CLIP3: variants seen among roughly 807,000 people sequenced by gnomAD.
CLIP3 encodes CAP-Gly domain containing linker protein 3.
Under a neutral mutation model 59.4 loss-of-function variants are expected in CLIP3, and 15 were observed. That is an observed-to-expected ratio of 0.25 (90% CI 0.17 to 0.39). The LOEUF is 0.39. Ranked by LOEUF, CLIP3 falls within the 10% of genes least tolerant of loss-of-function variation. The probability of loss-of-function intolerance (pLI) is 1.00; values close to 1 mark genes in which losing one functional copy is unlikely to be tolerated. For missense variants in CLIP3, 495 were observed against 765.7 expected (o/e 0.65, Z 4.17); for synonymous variants, 300 against 321.6 (o/e 0.93, Z 0.72).
Position 36,026,508 on chromosome 19 carries a change from C to A in CLIP3, c.562+78G>T. The stretch of plus-strand genomic sequence containing the variant: ...CTCAGATCACCGTCCTCCTTCCCCT[C>A]GCAGCCTGGCCTCACCTGGGTCTCC... On this transcript the variant is annotated intron_variant, in intron 5 of 13. Coordinates refer to ENST00000360535, the MANE Select transcript of CLIP3 (RefSeq NM_015526.3). This position sits in a 1 kb window ranked among gnomAD's most constrained non-coding sequence, Gnocchi z 6.3. The A allele has an allele frequency of 6.3e-7, 1 of 1,577,964 alleles. No homozygotes were observed.
At position 36,017,655 on chromosome 19, in the gene CLIP3, C is replaced by T. The variant is rs751242225; in HGVS notation, c.1451G>A (p.Arg484Lys). The T allele has an allele frequency of 6.2e-7, 1 of 1,613,926 alleles. No individual in the cohort carries two copies. The highest frequency in any genetic ancestry group is 8.5e-7 in the Non-Finnish European group (1 of 1,179,924). Reference sequence around the variant, plus strand: ...GTTTGGGCTGGAAGTTTGGGCTCACCTCTGAATACGGGATGCTGGTGCGAA... The same window carrying T: ...GTTTGGGCTGGAAGTTTGGGCTCACTTCTGAATACGGGATGCTGGTGCGAA... ...GVFAPASRIQRIGGSTDSPGD... is the reference protein window; with the variant it reads ...GVFAPASRIQKIGGSTDSPGD... The change falls in exon 11 of 14, where the codon AGG (arginine) becomes AAG (lysine). Residue 484 changes from arginine (R) to lysine (K), a missense_variant and splice_region_variant. Physicochemically the swap from Arg to Lys is conservative, Grantham distance 26. This residue lies in a region of CLIP3 where 179 missense variants were observed against 226.2 expected (regional missense o/e 0.79). Transcript: ENST00000360535.
chr19:36,026,393 G>T lies in CLIP3; in HGVS notation c.563-128C>A. On this transcript the variant is annotated intron_variant, in intron 5 of 13. Coordinates refer to ENST00000360535, the MANE Select transcript of CLIP3 (RefSeq NM_015526.3). This position sits in a 1 kb window ranked among gnomAD's most constrained non-coding sequence, Gnocchi z 6.3. ...CGACGCAGAGCCCCGCCCCCACCTC[G>T]GAGCCCCCCTCTCCCTTGGCAGCCC... 1 of 950,168 alleles carries T rather than the reference G, an allele frequency of 1.1e-6. No homozygotes were observed. 58.9% of individuals were successfully genotyped at this position (950,168 alleles called of 1,614,324 possible). A position where few individuals can be genotyped will look rare whatever the true frequency, so the allele number is the denominator to read the frequency against.
At chr19:36,022,054 A>AT (rs979893942) in intron 7 of CLIP3, among the ~76,000 whole-genome samples, 5 of 151,198 alleles carry the variant, frequency 3.3e-5, no homozygotes, top group East Asian at 1.9e-4. Context: ...AATTTTTTGT[A>AT]TTTTTTTTGT....
chr19:36,032,780 G>T lies in CLIP3; in HGVS notation c.-115C>A. ...AGACTGGGGAGACTGTGGGAGCAAT[G>T]GGGTGTCGGTGTCAGGGGACGTGAT... is the stretch of plus-strand genomic sequence containing the variant. On this transcript the variant is annotated 5_prime_UTR_variant, in exon 1 of 14. Transcript: ENST00000360535. This position sits in a 1 kb window ranked among gnomAD's most constrained non-coding sequence, Gnocchi z 4.3. 1 of 155,038 alleles carries T rather than the reference G, an allele frequency of 6.5e-6. No individual in the cohort carries two copies. 9.6% of individuals were successfully genotyped at this position (155,038 alleles called of 1,614,324 possible).
rs994381921 is a variant in CLIP3, at chr19:36,032,340, A to G, written c.18T>C (p.Pro6=). 1 of 1,267,506 alleles carries G rather than the reference A, an allele frequency of 7.9e-7. No individual in the cohort carries two copies. The highest frequency in any genetic ancestry group is 4.1e-5 in the Admixed American group (1 of 24,224). The allele number at this position is 1,267,506 out of a possible 1,614,324, so 78.5% of individuals were successfully genotyped here. A position where few individuals can be genotyped will look rare whatever the true frequency, so the allele number is the denominator to read the frequency against. ...CTCGGGGTGGCGGGGCCATCGGGGCAGGATCTGTCTTAGTCATGGTCCTCG... is the reference window on the plus strand; with the variant it reads ...CTCGGGGTGGCGGGGCCATCGGGGCGGGATCTGTCTTAGTCATGGTCCTCG... MTKTD[P]APMAPPPRGE... Residue 6 remains proline (P), a synonymous_variant, in exon 2 of 14, where the codon CCT becomes CCC. Transcript: ENST00000360535. The surrounding 1 kb of genome is among the most constrained non-coding windows in gnomAD (Gnocchi z 4.3).
intron 8 of CLIP3, 64 bp downstream of exon 8, chr19:36,019,107 G>A: frequency 6.2e-7 from 1 of 1,605,302 alleles, no homozygotes; most frequent in Non-Finnish European, 8.5e-7. Context: ...TTCCCAGTCA[G>A]CAGCATCAGA....
At chr19:36,031,946 A>G (rs1292322648) in intron 2 of CLIP3, among the ~76,000 whole-genome samples, 2 of 152,190 alleles carry the variant, frequency 1.3e-5, no homozygotes. Context: ...GCCGCTTTCA[A>G]AAAATGATTG....
At chr19:36,018,068 C>T (rs1968849873) in intron 9 of CLIP3, 77 bp from the exon 10 acceptor site, 1 of 1,537,824 alleles carries the variant, frequency 6.5e-7, no homozygotes, top group African/African-American at 1.4e-5. Flanking sequence ...TGGAAAACCC[C>T]AAGGTAGAAA....
Position 36,015,863 on chromosome 19 carries a change from T to C in CLIP3, c.*295A>G. ...CATTATGTGGAGAGGGTCACCATCATTTGGGGTGATATGGAAATCTGTTAA... is the reference window on the plus strand; with the variant it reads ...CATTATGTGGAGAGGGTCACCATCACTTGGGGTGATATGGAAATCTGTTAA... On this transcript the variant is annotated 3_prime_UTR_variant, in exon 14 of 14. Coordinates refer to ENST00000360535, the MANE Select transcript of CLIP3 (RefSeq NM_015526.3). The C allele has an allele frequency of 2.1e-6, 1 of 487,242 alleles. No individual in the cohort carries two copies. The highest frequency in any genetic ancestry group is 3.8e-6 in the Non-Finnish European group (1 of 265,646). The allele number at this position is 487,242 out of a possible 1,614,324, so 30.2% of individuals were successfully genotyped here.
rs1221680835 is a variant in CLIP3 at position 36,026,907 on chromosome 19, G to A, written c.400+45C>T. 5.9e-6 allele frequency: 9 copies of A among 1,525,128 alleles called. No homozygotes were observed. The highest frequency in any genetic ancestry group is 7.9e-6 in the Non-Finnish European group (9 of 1,140,124). The allele number at this position is 1,525,128 out of a possible 1,614,324, so 94.5% of individuals were successfully genotyped here. ...TGGTTTTCAGCGTGTTGGGTCTGGG[G>A]GCCTAGGCTTTGGGGCTTATGACTT... On this transcript the variant is annotated intron_variant, in intron 4 of 13. Coordinates refer to ENST00000360535, the MANE Select transcript of CLIP3 (RefSeq NM_015526.3). The surrounding 1 kb of genome is among the most constrained non-coding windows in gnomAD (Gnocchi z 6.3).
In CLIP3 at chr19:36,027,189, G is replaced by A; in HGVS notation, c.249C>T (p.Ala83=). 4.3e-6 allele frequency: 7 copies of A among 1,613,948 alleles called. No individual in the cohort carries two copies. Among genetic ancestry groups the A allele is most frequent in the Non-Finnish European group, 5.1e-6 (6 of 1,179,932 alleles). Residue 83 remains alanine (A), a synonymous_variant, in exon 3 of 14, where the codon GCC becomes GCT. Coordinates refer to ENST00000360535, the MANE Select transcript of CLIP3 (RefSeq NM_015526.3). The part of the protein sequence containing the change: ...DPQTTIPELF[A]IVRQWVPQVQ... ...CTTGGGGCACCCACTGGCGCACAAT[G>A]GCAAACAGCTCGGGGATGGTGGTCT...
rs200428053 is a variant in CLIP3 at position 36,017,694 on chromosome 19, G to C, written c.1412C>G (p.Pro471Arg). Reference protein sequence around the residue: ...VFGVRYFTCPPRHGVFAPASR... With the variant: ...VFGVRYFTCPRRHGVFAPASR... ...TGCTGGTGCGAAGACCCCATGCCTCGGGGGGCAAGTGAAGTACCGGACACC... is the reference window on the plus strand; with the variant it reads ...TGCTGGTGCGAAGACCCCATGCCTCCGGGGGCAAGTGAAGTACCGGACACC... The change falls in exon 11 of 14, where the codon CCG (proline) becomes CGG (arginine). Residue 471 changes from proline (P) to arginine (R), a missense_variant. By Grantham distance (103) the Pro-to-Arg change is moderately radical (BLOSUM62 -2). Around this residue, in one of 5 missense-constraint regions of CLIP3, gnomAD observed 179 missense variants for 226.2 expected, o/e 0.79. Coordinates refer to ENST00000360535, the MANE Select transcript of CLIP3 (RefSeq NM_015526.3). 3 of 1,613,918 alleles carry C rather than the reference G, an allele frequency of 1.9e-6. No homozygotes were observed. Among genetic ancestry groups the C allele is most frequent in the Non-Finnish European group, 2.5e-6 (3 of 1,179,878 alleles).
intron 2 of CLIP3, among the ~76,000 whole-genome samples, chr19:36,030,152 C>T (rs2145411352): frequency 6.6e-6 from 1 of 152,218 alleles, no homozygotes; most frequent in Non-Finnish European, 1.5e-5. Context: ...AATTCTCAGG[C>T]TCAAGTGATC....
chr19:36,017,609 G>GA, intron 11 of CLIP3, 46 bp downstream of exon 11: 13 of 1,611,680 alleles, frequency 8.1e-6, no homozygotes, highest in African/African-American at 6.7e-5. Flanking sequence ...GGGGGGATCA[G>GA]GGCTCCAGGT....
At position 36,018,958 on chromosome 19, in the gene CLIP3, G is replaced by A. The variant is rs1423173295; in HGVS notation, c.1123C>T (p.Pro375Ser). The A allele has an allele frequency of 6.2e-7, 1 of 1,610,874 alleles. No homozygotes were observed. The change falls in exon 9 of 14, where the codon CCC (proline) becomes TCC (serine). Residue 375 changes from proline (P) to serine (S), a missense_variant. Around this residue, in one of 5 missense-constraint regions of CLIP3, gnomAD observed 179 missense variants for 226.2 expected, o/e 0.79. Coordinates refer to ENST00000360535, the MANE Select transcript of CLIP3 (RefSeq NM_015526.3). Reference sequence around the variant, plus strand: ...GAGAAGTCCATCCGGGGGGTCCGGGGTGTGGAGGTGACAGAGGAGGGGGGT... The same window carrying A: ...GAGAAGTCCATCCGGGGGGTCCGGGATGTGGAGGTGACAGAGGAGGGGGGT... ...DAPPSSVTST[P>S]RTPRMDFSRV...
Position 36,032,335 on chromosome 19 carries a change from G to T in CLIP3, c.23C>A (p.Pro8Gln). The T allele has an allele frequency of 7.9e-7, 1 of 1,271,260 alleles. No individual in the cohort carries two copies. The allele number at this position is 1,271,260 out of a possible 1,614,324, so 78.7% of individuals were successfully genotyped here. A position where few individuals can be genotyped will look rare whatever the true frequency, so the allele number is the denominator to read the frequency against. Residue 8 changes from proline to glutamine, a missense_variant, in exon 2 of 14, where the codon CCG (proline) becomes CAG (glutamine). Pro to Gln is a moderately conservative substitution (Grantham distance 76, BLOSUM62 -1). This residue lies in a region of CLIP3 where 90 missense variants were observed against 105.2 expected (regional missense o/e 0.86). Transcript: ENST00000360535. The surrounding 1 kb of genome is among the most constrained non-coding windows in gnomAD (Gnocchi z 4.3). ...CTCTCCTCGGGGTGGCGGGGCCATC[G>T]GGGCAGGATCTGTCTTAGTCATGGT... The part of the protein sequence containing the change: MTKTDPA[P>Q]MAPPPRGEEE...
Position 36,016,112 on chromosome 19 carries a change from G to A in CLIP3, c.*46C>T. ...TGACTCAGGGCTCCTCGGGTGTCAGGAGATGCTAGTGGGGACTCTGTCTCT... is the reference window on the plus strand; with the variant it reads ...TGACTCAGGGCTCCTCGGGTGTCAGAAGATGCTAGTGGGGACTCTGTCTCT... On this transcript the variant is annotated 3_prime_UTR_variant, in exon 14 of 14. Transcript: ENST00000360535. The surrounding 1 kb of genome is among the most constrained non-coding windows in gnomAD (Gnocchi z 4.1). 6.2e-7 allele frequency: 1 copy of A among 1,607,480 alleles called. No individual in the cohort carries two copies. The highest frequency in any genetic ancestry group is 1.1e-5 in the South Asian group (1 of 90,740).
chr19:36,024,359 C>A, intron 7 of CLIP3, 37 bp downstream of exon 7: 1 of 1,570,274 alleles, frequency 6.4e-7, no homozygotes, highest in Non-Finnish European at 8.7e-7. Flanking sequence ...GAGTCCCACC[C>A]CCACCCACCA....
intron 7 of CLIP3, among the ~76,000 whole-genome samples, chr19:36,020,352 T>C (rs1249754157): frequency 1.3e-5 from 2 of 150,920 alleles, no homozygotes; most frequent in African/African-American, 2.4e-5. Context: ...CCTATAATCC[T>C]AGCACTCTGG....
Sources: gnomAD v4.1 joint callset for allele counts (sites outside exome capture counted in the v4.1 genomes callset) on GRCh38, gnomAD v4.1.1 for gene constraint, gnomAD v4.1.1 regional missense constraint, Gnocchi (gnomAD v3.1) non-coding constraint, MANE v1.5 for transcripts, NCBI Gene and HGNC (gene_info 2026-07-23, HGNC 2026-07-21) for gene names.